Variants in SPIRE1 observed in about 807,000 individuals in gnomAD.
The protein encoded by SPIRE1 is protein spire homolog 1.
In SPIRE1, 40 loss-of-function variants were observed where a neutral mutation model predicts 94.1. The ratio of observed to expected loss-of-function variants is 0.43; its 90% CI spans 0.33 to 0.55. The LOEUF (loss-of-function observed/expected upper bound fraction) is 0.55. Ranked by LOEUF, SPIRE1 falls within the 20% of genes least tolerant of loss-of-function variation. The pLI is 0.06. For missense variants in SPIRE1, 838 were observed against 975.2 expected, an observed-to-expected ratio of 0.86 and a Z score of 1.87; for synonymous variants, 376 against 371.7, an observed-to-expected ratio of 1.01 and a Z score of -0.13.
intron 2 of SPIRE1, among the ~76,000 whole-genome samples, chr18:12,583,343 C>A (rs1403982955): frequency 6.6e-6 from 1 of 152,112 alleles, no homozygotes. Context: ...GTGGCGCAAG[C>A]CTGTAATCCC....
chr18:12,515,321 C>T (rs965051649), intron 4 of SPIRE1, among the ~76,000 whole-genome samples: 1 of 151,886 alleles, frequency 6.6e-6, no homozygotes, highest in African/African-American at 2.4e-5. Context: ...TGAAGACCAA[C>T]CTGGGCAACA....
chr18:12,651,257 A>G (rs556810147), intron 1 of SPIRE1, among the ~76,000 whole-genome samples: 1 of 152,190 alleles, frequency 6.6e-6, no homozygotes, highest in African/African-American at 2.4e-5. Context: ...ACCAATCTCT[A>G]ATTCTACCAT....
At chr18:12,603,116 C>A (rs1444193903) in intron 2 of SPIRE1, among the ~76,000 whole-genome samples, 1 of 152,158 alleles carries the variant, frequency 6.6e-6, no homozygotes, top group Admixed American at 6.5e-5. Flanking sequence ...CATGGTTGGG[C>A]AAAATCATCT....
chr18:12,590,454 A>C (rs1395272666), intron 2 of SPIRE1, among the ~76,000 whole-genome samples: 2 of 152,302 alleles, frequency 1.3e-5, no homozygotes, highest in South Asian at 4.1e-4. Context: ...TGAAAACCAT[A>C]AATCAATTTT....
Position 12,496,046 on chromosome 18 carries a change from G to T in SPIRE1, c.1029C>A (p.Asp343Glu), listed in dbSNP as rs994866899. The T allele has an allele frequency of 6.2e-7, 1 of 1,613,570 alleles. No homozygotes were observed. The highest frequency in any genetic ancestry group is 8.5e-7 in the Non-Finnish European group (1 of 1,179,524). ...LKKSAHEIIL[D>E]FIRSRPPLNP... Reference sequence around the variant, plus strand: ...TTAAAGGAGGTCTGGATCTGATGAAGTCGAGGATGATTTCATGAGCACTCT... The same window carrying T: ...TTAAAGGAGGTCTGGATCTGATGAATTCGAGGATGATTTCATGAGCACTCT... The change falls in exon 7 of 17, where the codon GAC becomes GAA. Residue 343 changes from aspartate to glutamate, a missense_variant. By Grantham distance (45) the Asp-to-Glu change is conservative. This residue lies in a region of SPIRE1 where 645 missense variants were observed against 804.7 expected (regional missense o/e 0.80). Transcript: ENST00000409402.
intron 2 of SPIRE1, among the ~76,000 whole-genome samples, chr18:12,562,311 A>T (rs2035708175): frequency 2.0e-5 from 3 of 151,830 alleles, no homozygotes. Flanking sequence ...CTGAGACATG[A>T]TCTCACTCTG....
At chr18:12,580,065 CATG>C (rs1212369379) in intron 2 of SPIRE1, among the ~76,000 whole-genome samples, 1 of 152,110 alleles carries the variant, frequency 6.6e-6, no homozygotes, top group African/African-American at 2.4e-5. Flanking sequence ...TTGGTGAAAA[CATG>C]ATAAGAGGAA....
intron 11 of SPIRE1, 84 bp from the exon 12 acceptor site, chr18:12,463,577 T>C: frequency 9.0e-7 from 1 of 1,110,460 alleles, no homozygotes; most frequent in Non-Finnish European, 1.3e-6. Context: ...ACACTGTAAT[T>C]CAAAGATGAA....
intron 2 of SPIRE1, among the ~76,000 whole-genome samples, chr18:12,594,455 T>C (rs1017542341): frequency 5.9e-5 from 9 of 152,226 alleles, no homozygotes; most frequent in Non-Finnish European, 1.3e-4. Context: ...CAAGTATTTA[T>C]TGATAATCTG....
At chr18:12,512,727 T>G (rs2034074512) in intron 4 of SPIRE1, among the ~76,000 whole-genome samples, 196 bp from the exon 5 acceptor site, 1 of 151,922 alleles carries the variant, frequency 6.6e-6, no homozygotes. Context: ...GGACGGAGAT[T>G]GCTCACTCTA....
At chr18:12,655,657 G>A (rs1161895860) in intron 1 of SPIRE1, among the ~76,000 whole-genome samples, 1 of 151,808 alleles carries the variant, frequency 6.6e-6, no homozygotes, top group Admixed American at 6.6e-5. Flanking sequence ...TCACACTAGT[G>A]ATGTAAAAAA....
intron 6 of SPIRE1, among the ~76,000 whole-genome samples, chr18:12,505,613 G>A (rs1024014607): frequency 6.6e-6 from 1 of 151,852 alleles, no homozygotes; most frequent in Non-Finnish European, 1.5e-5. Context: ...TCAGAATCAG[G>A]ATATATTTTA....
chr18:12,556,088 AT>A (rs1187885378), intron 2 of SPIRE1, among the ~76,000 whole-genome samples: 3 of 152,132 alleles, frequency 2.0e-5, no homozygotes, highest in South Asian at 2.1e-4. Context: ...CAAAAAAAAA[AT>A]ACCTAGGAAT....
intron 1 of SPIRE1, among the ~76,000 whole-genome samples, chr18:12,641,510 A>G (rs2038085232): frequency 6.6e-6 from 1 of 152,180 alleles, no homozygotes; most frequent in East Asian, 1.9e-4. Flanking sequence ...CTGGGACTAC[A>G]GGCACACACT....
At chr18:12,510,177 A>G (rs1484548241) in intron 5 of SPIRE1, among the ~76,000 whole-genome samples, 3 of 152,082 alleles carry the variant, frequency 2.0e-5, no homozygotes, top group Non-Finnish European at 4.4e-5. Context: ...AGTCACAGAA[A>G]GCAGATGACT....
chr18:12,598,494 CA>C (rs1555629924), intron 2 of SPIRE1, among the ~76,000 whole-genome samples: 1 of 151,876 alleles, frequency 6.6e-6, no homozygotes, highest in Non-Finnish European at 1.5e-5. Flanking sequence ...TTCACCAGAC[CA>C]AATTAACTAC....
chr18:12,532,968 A>G lies in SPIRE1; in HGVS notation c.729+2508T>C, dbSNP rs147493964. On this transcript the variant is annotated intron_variant, in intron 4 of 16. Coordinates refer to ENST00000409402, the MANE Select transcript of SPIRE1 (RefSeq NM_001128626.2). ...AATATTAGCAAACCCACCTCAATCG[A>G]AACAGGGAGATGTAGAGGAGAGATC... Among the ~76,000 whole-genome samples, 21 of 152,316 alleles carry G rather than the reference A, an allele frequency of 1.4e-4. No homozygotes were observed. The East Asian group carries it at 4.1e-3, about 29-fold the overall frequency.
At chr18:12,477,994 G>A (rs74407593) in intron 10 of SPIRE1, among the ~76,000 whole-genome samples, 3,427 of 152,068 alleles carry the variant, frequency 0.023, 61 homozygotes, top group Non-Finnish European at 0.033. Context: ...ACGGAATTTG[G>A]GGAGCCAAGA....
At chr18:12,552,755 T>G (rs997318606) in intron 2 of SPIRE1, among the ~76,000 whole-genome samples, 7 of 152,026 alleles carry the variant, frequency 4.6e-5, no homozygotes, top group African/African-American at 1.7e-4. Flanking sequence ...TGGACCCCCT[T>G]AGAGTTGTGA....
Sources: gnomAD v4.1 joint callset for allele counts (sites outside exome capture counted in the v4.1 genomes callset) on GRCh38, gnomAD v4.1.1 for gene constraint, gnomAD v4.1.1 regional missense constraint, MANE v1.5 for transcripts, NCBI Gene and HGNC (gene_info 2026-07-23, HGNC 2026-07-21) for gene names.